The following TRRAP variants were observed in gnomAD, a reference collection of about 807,000 sequenced individuals.
The protein encoded by TRRAP is transformation/transcription domain-associated protein.
In TRRAP, 41 loss-of-function variants were observed where a neutral mutation model predicts 438.8. That is an observed-to-expected ratio of 0.09 (90% CI 0.07 to 0.12). TRRAP has a LOEUF of 0.12. TRRAP is among the 10% of genes least tolerant of loss of function. The probability of loss-of-function intolerance (pLI) is 1.00; values close to 1 mark genes in which losing one functional copy is unlikely to be tolerated. For missense variants in TRRAP, 3,122 were observed against 5,055.1 expected (o/e 0.62, Z 11.60); for synonymous variants, 1,994 against 1,962.9 (o/e 1.02, Z -0.42).
intron 61 of TRRAP, 148 bp downstream of exon 61, chr7:98,984,506 T>C: frequency 1.0e-6 from 1 of 1,003,158 alleles, no homozygotes; most frequent in Non-Finnish European, 1.4e-6. Context: ...GAAACAGTCC[T>C]TCCAAAACAC....
chr7:98,879,459 C>T (rs1025534541), intron 1 of TRRAP, among the ~76,000 whole-genome samples: 1 of 149,016 alleles, frequency 6.7e-6, no homozygotes, highest in Admixed American at 6.7e-5. Context: ...CTTGGGTACC[C>T]TGGGATGGGG....
At chr7:98,989,956 G>C (rs1216122603) in intron 63 of TRRAP, among the ~76,000 whole-genome samples, 1 of 152,150 alleles carries the variant, frequency 6.6e-6, no homozygotes, top group Non-Finnish European at 1.5e-5. Context: ...GGCCGGGAGT[G>C]GTGGCTCACG....
intron 20 of TRRAP, among the ~76,000 whole-genome samples, chr7:98,920,161 G>A (rs1016685401): frequency 6.6e-6 from 1 of 152,228 alleles, no homozygotes. Context: ...ATTGTTAAAT[G>A]GAAGGTGATT....
Position 98,910,100 on chromosome 7 carries a change from TG to T in TRRAP, c.1396del (p.Ala466ProfsTer54). 6.3e-7 allele frequency: 1 copy of T among 1,588,338 alleles called. No homozygotes were observed. Among genetic ancestry groups the T allele is most frequent in the Non-Finnish European group, 8.6e-7 (1 of 1,168,002 alleles). ...FHTIARYQLS[A>X]IFKKCKPQSE... ...ACACAATTGCTCGGTACCAGCTCTCTGCCATTTTTAAGAAGTGTAAGCCTCA... is the reference window on the plus strand; with the variant it reads ...ACACAATTGCTCGGTACCAGCTCTCTCCATTTTTAAGAAGTGTAAGCCTCA... On this transcript the variant is annotated frameshift_variant, in exon 15 of 73. Transcript: ENST00000456197. LOFTEE classifies it high-confidence loss of function.
At chr7:98,959,533 C>A in intron 45 of TRRAP, 43 bp downstream of exon 45, 1 of 1,592,318 alleles carries the variant, frequency 6.3e-7, no homozygotes, top group Non-Finnish European at 8.6e-7. Flanking sequence ...GCCACCGAGG[C>A]CACTAGCAGA....
At chr7:98,926,023 C>G (rs897906868) in intron 22 of TRRAP, among the ~76,000 whole-genome samples, 1 of 152,158 alleles carries the variant, frequency 6.6e-6, no homozygotes, top group Non-Finnish European at 1.5e-5. Flanking sequence ...GAAAGACAAA[C>G]TGGAAAATAC....
rs115149623 is a variant in TRRAP at position 98,982,647 on chromosome 7, G to A, written c.8827-617G>A. Among the ~76,000 whole-genome samples the A allele has an allele frequency of 9.3e-3, 1,418 of 152,320 alleles. 18 individuals are homozygous for A. The highest frequency in any genetic ancestry group is 0.024 in the Middle Eastern group (7 of 294). On this transcript the variant is annotated intron_variant, in intron 59 of 72. Transcript: ENST00000456197. ...GCCAAGGACAGAATTTGGATAGGCT[G>A]AGGATTGTGGCCAGGGCCTTCCAGG... is the stretch of plus-strand genomic sequence containing the variant.
At chr7:98,921,480 A>G (rs1412210337) in intron 20 of TRRAP, among the ~76,000 whole-genome samples, 3 of 151,962 alleles carry the variant, frequency 2.0e-5, no homozygotes, top group African/African-American at 7.3e-5. Context: ...GGTTCAAGTG[A>G]TTCTCCCACC....
At position 98,937,793 on chromosome 7, in the gene TRRAP, C is replaced by T. The variant is rs782155639; in HGVS notation, c.4377C>T (p.Phe1459=). 16 of 1,613,302 alleles carry T rather than the reference C, an allele frequency of 9.9e-6. No homozygotes were observed. The highest frequency in any genetic ancestry group is 1.4e-5 in the Non-Finnish European group (16 of 1,179,758). ...TSVTRLFPNS[F]NDKFCDQMMQ... The stretch of plus-strand genomic sequence containing the variant: ...TCACGAGGCTCTTCCCAAATTCCTT[C>T]AATGATAAATTTTGTGATCAGATGA... The change falls in exon 30 of 73, where the codon TTC becomes TTT. Residue 1459 remains phenylalanine, a synonymous_variant. Coordinates refer to ENST00000456197, the MANE Select transcript of TRRAP (RefSeq NM_001375524.1).
intron 51 of TRRAP, among the ~76,000 whole-genome samples, chr7:98,969,269 CCCCCT>C (rs1194647135): frequency 6.6e-6 from 1 of 152,182 alleles, no homozygotes; most frequent in Non-Finnish European, 1.5e-5. Flanking sequence ...AGGTGACTGG[CCCCCT>C]GCCTCTCTCT....
chr7:98,966,899 A>G lies in TRRAP; in HGVS notation c.7177-142A>G, dbSNP rs148312971. On this transcript the variant is annotated intron_variant, in intron 49 of 72. Coordinates refer to ENST00000456197, the MANE Select transcript of TRRAP (RefSeq NM_001375524.1). ...ACATTGGCATGTCTTGATTTTAAGC[A>G]TCCAAAGATAAAGCCATCTTTGCCT... 2.1e-4 allele frequency: 160 copies of G among 777,336 alleles called. No homozygotes were observed. The Middle Eastern group carries it at 3.8e-3, about 18-fold the overall frequency. 48.2% of individuals were successfully genotyped at this position (777,336 alleles called of 1,614,324 possible). A position where few individuals can be genotyped will look rare whatever the true frequency, so the allele number is the denominator to read the frequency against.
At position 98,948,172 on chromosome 7, in the gene TRRAP, A is replaced by C. The variant is rs782337667; in HGVS notation, c.4549-49A>C. On this transcript the variant is annotated intron_variant, in intron 33 of 72. Transcript: ENST00000456197. This position sits in a 1 kb window ranked among gnomAD's most constrained non-coding sequence, Gnocchi z 4.9. ...GTCTGTAGTGACGTTGACCTCTGTC[A>C]CTTGCAAAATTAATCGACCTGTTTA... 4 of 1,610,390 alleles carry C rather than the reference A, an allele frequency of 2.5e-6. No homozygotes were observed. In the Admixed American group the frequency reaches 5.0e-5, roughly 20 times the overall value.
intron 7 of TRRAP, among the ~76,000 whole-genome samples, chr7:98,896,610 C>G (rs1401780065): frequency 6.6e-6 from 1 of 152,036 alleles, no homozygotes; most frequent in Non-Finnish European, 1.5e-5. Flanking sequence ...TCTTGAACTC[C>G]TGACCTCAGG....
intron 64 of TRRAP, among the ~76,000 whole-genome samples, chr7:98,991,896 G>T (rs906474226): frequency 6.6e-6 from 1 of 152,164 alleles, no homozygotes; most frequent in African/African-American, 2.4e-5. Context: ...ACAGTTCCTG[G>T]GTGGAGTTGA....
At chr7:98,930,977 A>G in intron 25 of TRRAP, 147 bp downstream of exon 25, 1 of 1,093,460 alleles carries the variant, frequency 9.1e-7, no homozygotes, top group Non-Finnish European at 1.3e-6. Flanking sequence ...CTTCACTAAA[A>G]GGACAGCTCA....
At chr7:98,964,830 ACT>A (rs1306883607) in intron 48 of TRRAP, 55 bp downstream of exon 48, 6 of 1,551,364 alleles carry the variant, frequency 3.9e-6, no homozygotes, top group African/African-American at 2.7e-5. Context: ...CAGAGAACAG[ACT>A]CTGTTGTGCA....
Position 98,930,963 on chromosome 7 carries a change from G to A in TRRAP, c.3591+133G>A, listed in dbSNP as rs544451651. On this transcript the variant is annotated intron_variant, in intron 25 of 72. Coordinates refer to ENST00000456197, the MANE Select transcript of TRRAP (RefSeq NM_001375524.1). ...ACTTTGATACTCAGATTTCATTTCA[G>A]CATCTTCACTAAAAGGACAGCTCAG... 5.5e-5 allele frequency: 65 copies of A among 1,189,022 alleles called. No individual in the cohort carries two copies. The South Asian group carries it at 9.9e-4, about 18-fold the overall frequency. 73.7% of individuals were successfully genotyped at this position (1,189,022 alleles called of 1,614,324 possible). A position where few individuals can be genotyped will look rare whatever the true frequency, so the allele number is the denominator to read the frequency against.
In TRRAP at chr7:98,906,261, A is replaced by C. The variant is rs202033080; in HGVS notation, c.1115+6A>C. On this transcript the variant is annotated splice_donor_region_variant and intron_variant, in intron 13 of 72. Transcript: ENST00000456197. ...ACTGCCAGAGAGACTCTAAGGTATG[A>C]GATTAAACCAGTGATATCTGGTTGG... The C allele has an allele frequency of 5.3e-4, 858 of 1,612,328 alleles. 6 individuals carry two copies. The highest frequency in any genetic ancestry group is 2.0e-3 in the South Asian group (178 of 90,898).
At chr7:99,002,056 G>C (rs893208321) in intron 67 of TRRAP, among the ~76,000 whole-genome samples, 6 of 145,890 alleles carry the variant, frequency 4.1e-5, no homozygotes, top group African/African-American at 1.5e-4. Flanking sequence ...TCTTAATTGT[G>C]AAATACCACA....
Sources: gnomAD v4.1 joint callset for allele counts (sites outside exome capture counted in the v4.1 genomes callset) on GRCh38, gnomAD v4.1.1 for gene constraint, Gnocchi (gnomAD v3.1) non-coding constraint, MANE v1.5 for transcripts, NCBI Gene and HGNC (gene_info 2026-07-23, HGNC 2026-07-21) for gene names.